Variants in ATP1A3 observed in about 807,000 individuals in gnomAD.
The protein encoded by ATP1A3 is ATPase Na+/K+ transporting subunit alpha 3.
ATP1A3 carries 12 observed loss-of-function variants against 108.8 expected under a neutral mutation model. The ratio of observed to expected loss-of-function variants is 0.11; its 90% CI spans 0.07 to 0.18. The LOEUF (loss-of-function observed/expected upper bound fraction) is 0.18, where lower values mean the gene tolerates loss of function less well. Ranked by LOEUF, ATP1A3 falls within the 10% of genes least tolerant of loss-of-function variation. The probability of loss-of-function intolerance (pLI) is 1.00; values close to 1 mark genes in which losing one functional copy is unlikely to be tolerated. For synonymous variants in ATP1A3, 539 were observed against 564.5 expected, an observed-to-expected ratio of 0.95 and a Z score of 0.64; for missense variants, 498 against 1,387.7, an observed-to-expected ratio of 0.36 and a Z score of 10.19.
In ATP1A3 at chr19:41,981,948, G is replaced by A; in HGVS notation, c.1152C>T (p.Asp384=). ...TGGTGTCAGCCTCGTGGATCTGGTT[G>A]TCAAACCACATGTGGGCGACTGTCA... The part of the protein sequence containing the change: ...NRMTVAHMWF[D]NQIHEADTTE... Residue 384 remains aspartate (D), a synonymous_variant, in exon 9 of 23, where the codon GAC becomes GAT. Coordinates refer to ENST00000648268, the MANE Select transcript of ATP1A3 (RefSeq NM_152296.5). This position sits in a 1 kb window ranked among gnomAD's most constrained non-coding sequence, Gnocchi z 5.0. 6.2e-7 allele frequency: 1 copy of A among 1,614,226 alleles called. No homozygotes were observed. Among genetic ancestry groups the A allele is most frequent in the South Asian group, 1.1e-5 (1 of 91,080 alleles).
rs1025152448 is a variant in ATP1A3 at position 41,981,309 on chromosome 19, T to C, written c.1437+193A>G. Among the ~76,000 whole-genome samples the C allele has an allele frequency of 3.3e-5, 5 of 151,938 alleles. No homozygotes were observed. Among genetic ancestry groups the C allele is most frequent in the Admixed American group, 2.0e-4 (3 of 15,230 alleles). Reference sequence around the variant, plus strand: ...CCACCGCGCCTGGCCTGCAGGAAGATCTTTACTCCTCAGCGTCTCACTCCA... The same window carrying C: ...CCACCGCGCCTGGCCTGCAGGAAGACCTTTACTCCTCAGCGTCTCACTCCA... On this transcript the variant is annotated intron_variant, in intron 11 of 22. Coordinates refer to ENST00000648268, the MANE Select transcript of ATP1A3 (RefSeq NM_152296.5). The surrounding 1 kb of genome is among the most constrained non-coding windows in gnomAD (Gnocchi z 5.0).
rs1394454178 is a variant in ATP1A3, at chr19:41,975,762, G to A, written c.2130C>T (p.Asn710=). The part of the protein sequence containing the change: ...AIVAVTGDGV[N]DSPALKKADI... ...CGGCCTTCTTCAGAGCGGGGGAGTC[G>A]TTCACACCATCCCCGGTCACAGCCA... Residue 710 remains asparagine, a synonymous_variant, in exon 16 of 23, where the codon AAC becomes AAT. Coordinates refer to ENST00000648268, the MANE Select transcript of ATP1A3 (RefSeq NM_152296.5). 14 of 1,614,054 alleles carry A rather than the reference G, an allele frequency of 8.7e-6. No homozygotes were observed. In the East Asian group the frequency reaches 1.1e-4, roughly 13 times the overall value.
intron 1 of ATP1A3, among the ~76,000 whole-genome samples, chr19:41,992,089 G>A (rs2075345466): frequency 6.8e-6 from 1 of 146,214 alleles, no homozygotes; most frequent in African/African-American, 2.6e-5. Context: ...GAGGGGCTGG[G>A]GCCTGGACTC....
Position 41,978,270 on chromosome 19 carries a change from A to G in ATP1A3, c.1687T>C (p.Cys563Arg). 1 of 1,613,094 alleles carries G rather than the reference A, an allele frequency of 6.2e-7. No homozygotes were observed. Among genetic ancestry groups the G allele is most frequent in the African/African-American group, 1.3e-5 (1 of 74,930 alleles). ...EQFPKGFAFD[C>R]DDVNFTTDNL... ...TCCGTGGTGAAGTTCACGTCATCAC[A>G]GTCGAAGGCAAAGCCCTTGGGGAAC... is the stretch of plus-strand genomic sequence containing the variant. Residue 563 changes from cysteine (C) to arginine (R), a missense_variant, in exon 13 of 23, where the codon TGT becomes CGT. Around this residue, in one of 9 missense-constraint regions of ATP1A3, gnomAD observed 92 missense variants for 168.7 expected, o/e 0.55. Transcript: ENST00000648268. The surrounding 1 kb of genome is among the most constrained non-coding windows in gnomAD (Gnocchi z 8.3).
intron 11 of ATP1A3, among the ~76,000 whole-genome samples, chr19:41,980,682 C>A (rs190000085): frequency 6.6e-6 from 1 of 151,950 alleles, no homozygotes; most frequent in Non-Finnish European, 1.5e-5. Context: ...GAGGCTGAGG[C>A]GGGCAGATCA....
At position 41,993,511 on chromosome 19, in the gene ATP1A3, A is replaced by G. The variant is rs905765794; in HGVS notation, c.6+560T>C. The G allele has an allele frequency of 1.1e-4, 68 of 647,324 alleles. 1 individual carries two copies. Among genetic ancestry groups the G allele is most frequent in the African/African-American group, 9.8e-4 (49 of 49,864 alleles). The allele number at this position is 647,324 out of a possible 1,614,324, so 40.1% of individuals were successfully genotyped here. Reference sequence around the variant, plus strand: ...GACACTGCGGAGCCTGCACACACACACACACACACACACACACACACACAC... The same window carrying G: ...GACACTGCGGAGCCTGCACACACACGCACACACACACACACACACACACAC... On this transcript the variant is annotated intron_variant, in intron 1 of 22. Coordinates refer to ENST00000648268, the MANE Select transcript of ATP1A3 (RefSeq NM_152296.5).
Position 41,988,080 on chromosome 19 carries a change from C to T in ATP1A3, c.213G>A (p.Thr71=), listed in dbSNP as rs1555866049. Residue 71 remains threonine, a synonymous_variant, in exon 4 of 23, where the codon ACG becomes ACA. Transcript: ENST00000648268. The surrounding 1 kb of genome is among the most constrained non-coding windows in gnomAD (Gnocchi z 5.3). The stretch of plus-strand genomic sequence containing the variant: ...CCCACTCTGGGGTGGTAGGCGGTGG[C>T]GTGAGTGCGTTAGGCCCATCCCGGG... ...ILARDGPNAL[T]PPPTTPEWVK... The T allele has an allele frequency of 5.6e-6, 9 of 1,614,100 alleles. No homozygotes were observed. The highest frequency in any genetic ancestry group is 1.3e-5 in the African/African-American group (1 of 75,000).
Position 41,981,662 on chromosome 19 carries a change from C to G in ATP1A3, c.1303-26G>C. Reference sequence around the variant, plus strand: ...CTGCAAGGAGAAAGGGTTGTCAGAACAGGGACAGCTGAGGGGAGGACACAG... The same window carrying G: ...CTGCAAGGAGAAAGGGTTGTCAGAAGAGGGACAGCTGAGGGGAGGACACAG... On this transcript the variant is annotated intron_variant, in intron 10 of 22. Transcript: ENST00000648268. This position sits in a 1 kb window ranked among gnomAD's most constrained non-coding sequence, Gnocchi z 5.0. The G allele has an allele frequency of 6.2e-7, 1 of 1,614,174 alleles. No homozygotes were observed. The highest frequency in any genetic ancestry group is 1.1e-5 in the South Asian group (1 of 91,084).
intron 16 of ATP1A3, among the ~76,000 whole-genome samples, chr19:41,972,186 G>A (rs1185236651): frequency 1.3e-5 from 2 of 152,080 alleles, no homozygotes; most frequent in African/African-American, 2.4e-5. Flanking sequence ...AGAGGCAGAC[G>A]TTGCAGTGAG....
chr19:41,985,232 T>C lies in ATP1A3; in HGVS notation c.725-46A>G, dbSNP rs1599722896. 4 of 1,613,274 alleles carry C rather than the reference T, an allele frequency of 2.5e-6. No homozygotes were observed. The highest frequency in any genetic ancestry group is 2.2e-5 in the East Asian group (1 of 44,822). ...GCTGAGGTGGGGTGGCTCAGGGAGG[T>C]TCTGGAGGCCTGACCCCCTGGGACA... On this transcript the variant is annotated intron_variant, in intron 7 of 22. Coordinates refer to ENST00000648268, the MANE Select transcript of ATP1A3 (RefSeq NM_152296.5). This position sits in a 1 kb window ranked among gnomAD's most constrained non-coding sequence, Gnocchi z 8.2.
In ATP1A3 at chr19:41,988,500, A is replaced by G. The variant is rs1178257393; in HGVS notation, c.69T>C (p.Asp23=). 2.2e-5 allele frequency: 36 copies of G among 1,614,070 alleles called. No individual in the cohort carries two copies. The highest frequency in any genetic ancestry group is 2.9e-5 in the Non-Finnish European group (34 of 1,180,044). The change falls in exon 2 of 23, where the codon GAT becomes GAC. Residue 23 remains aspartate, a synonymous_variant. Transcript: ENST00000648268. The surrounding 1 kb of genome is among the most constrained non-coding windows in gnomAD (Gnocchi z 5.3). ...CCATAGCCACCTCCTTCTTGAGGTC[A>G]TCCAGGTCCCGGCGCTCCTTGCCCT... ...KNKGKERRDL[D]DLKKEVAMTE...
chr19:41,981,735 A>T lies in ATP1A3; in HGVS notation c.1289T>A (p.Ile430Asn). ...AGCTGAACCCACCTTGAGCACAGGG[A>T]TGTTGTCCTGACCACCCTTGAAGAC... ...RAVFKGGQDN[I>N]PVLKRDVAGD... is the part of the protein sequence containing the mutation. Residue 430 changes from isoleucine (I) to asparagine (N), a missense_variant, in exon 10 of 23, where the codon ATC (isoleucine) becomes AAC (asparagine). By Grantham distance (149) the Ile-to-Asn change is moderately radical. Transcript: ENST00000648268. The surrounding 1 kb of genome is among the most constrained non-coding windows in gnomAD (Gnocchi z 5.0). 1.9e-6 allele frequency: 3 copies of T among 1,614,162 alleles called. No homozygotes were observed. Among genetic ancestry groups the T allele is most frequent in the Non-Finnish European group, 2.5e-6 (3 of 1,180,036 alleles).
chr19:41,970,920 C>A lies in ATP1A3; in HGVS notation c.2264-378G>T, dbSNP rs535562970. ...GTGCTGGGATTACAGGCGTGAGCCA[C>A]CGCGCCCGGCCTGTCCAGCGTCCTT... On this transcript the variant is annotated intron_variant, in intron 16 of 22. Transcript: ENST00000648268. Among the ~76,000 whole-genome samples the A allele has an allele frequency of 9.2e-5, 14 of 151,998 alleles. No individual in the cohort carries two copies. In the East Asian group the frequency reaches 1.6e-3, roughly 17 times the overall value.
In ATP1A3 at chr19:41,969,680, G is replaced by T. The variant is rs781962802; in HGVS notation, c.2543-100C>A. 105 of 1,475,572 alleles carry T rather than the reference G, an allele frequency of 7.1e-5. No individual in the cohort carries two copies. The Admixed American group carries it at 1.1e-3, about 15-fold the overall frequency. The allele number at this position is 1,475,572 out of a possible 1,614,324, so 91.4% of individuals were successfully genotyped here. ...CCCGGAGGCCTCCTTGGAGAGGGGA[G>T]TATGCCCTCCTGGCCCTGTTATCTG... On this transcript the variant is annotated intron_variant, in intron 18 of 22. Transcript: ENST00000648268.
In ATP1A3 at chr19:41,966,798, T is replaced by G. The variant is rs2075046416; in HGVS notation, c.*139A>C. The G allele has an allele frequency of 1.5e-5, 21 of 1,437,780 alleles. No homozygotes were observed. In the African/African-American group the frequency reaches 1.6e-4, roughly 11 times the overall value. The allele number at this position is 1,437,780 out of a possible 1,614,324, so 89.1% of individuals were successfully genotyped here. A position where few individuals can be genotyped will look rare whatever the true frequency, so the allele number is the denominator to read the frequency against. ...CAGCCAGAGTGGGGGCGGCAGGAGA[T>G]AGTGGAGGGGGTGGGGGCCAAGGTG... On this transcript the variant is annotated 3_prime_UTR_variant, in exon 23 of 23. Coordinates refer to ENST00000648268, the MANE Select transcript of ATP1A3 (RefSeq NM_152296.5).
chr19:41,969,230 C>A (rs1001026833), intron 19 of ATP1A3, among the ~76,000 whole-genome samples: 5 of 152,132 alleles, frequency 3.3e-5, no homozygotes, highest in Admixed American at 6.6e-5. Flanking sequence ...GAAGGCCTGG[C>A]AGGGCAGAGA....
In ATP1A3 at chr19:41,969,415, C is replaced by A; in HGVS notation, c.2688+20G>T. 1 of 1,614,150 alleles carries A rather than the reference C, an allele frequency of 6.2e-7. No homozygotes were observed. Among genetic ancestry groups the A allele is most frequent in the Non-Finnish European group, 8.5e-7 (1 of 1,180,010 alleles). On this transcript the variant is annotated intron_variant, in intron 19 of 22. Coordinates refer to ENST00000648268, the MANE Select transcript of ATP1A3 (RefSeq NM_152296.5). The stretch of plus-strand genomic sequence containing the variant: ...GGGGATCTTACGGTGGGCAGAGACA[C>A]AGCACCCTGCCCTACTCACCCACTG...
Position 41,967,482 on chromosome 19 carries a change from C to T in ATP1A3, c.2922-142G>A. On this transcript the variant is annotated intron_variant, in intron 21 of 22. Transcript: ENST00000648268. The surrounding 1 kb of genome is among the most constrained non-coding windows in gnomAD (Gnocchi z 4.2). Reference sequence around the variant, plus strand: ...GAGGGTGCCCTGGGCGGGGCTGGGGCCTGGGGTCTTCGGAGTAATCCGTGG... The same window carrying T: ...GAGGGTGCCCTGGGCGGGGCTGGGGTCTGGGGTCTTCGGAGTAATCCGTGG... The T allele has an allele frequency of 8.2e-7, 1 of 1,215,840 alleles. No homozygotes were observed. Among genetic ancestry groups the T allele is most frequent in the Non-Finnish European group, 1.1e-6 (1 of 870,588 alleles). The allele number at this position is 1,215,840 out of a possible 1,614,324, so 75.3% of individuals were successfully genotyped here.
At chr19:41,969,030 G>A (rs1475205043) in intron 19 of ATP1A3, 115 bp from the exon 20 acceptor site, 1 of 1,491,580 alleles carries the variant, frequency 6.7e-7, no homozygotes, top group Admixed American at 1.7e-5. Context: ...GGTCCTCAGG[G>A]CCTCAGGTGT....
Sources: gnomAD v4.1 joint callset for allele counts (sites outside exome capture counted in the v4.1 genomes callset) on GRCh38, gnomAD v4.1.1 for gene constraint, gnomAD v4.1.1 regional missense constraint, Gnocchi (gnomAD v3.1) non-coding constraint, MANE v1.5 for transcripts, NCBI Gene and HGNC (gene_info 2026-07-23, HGNC 2026-07-21) for gene names.